The following MINPP1 variants were observed in gnomAD, a reference collection of about 807,000 sequenced individuals.
MINPP1 encodes multiple inositol-polyphosphate phosphatase 1, also known as multiple inositol polyphosphate phosphatase 1.
In MINPP1, 28 loss-of-function variants were observed where a neutral mutation model predicts 46.1. The ratio of observed to expected loss-of-function variants is 0.61; its 90% CI spans 0.45 to 0.83. The LOEUF is 0.83. MINPP1 is among the 40% of genes least tolerant of loss of function. MINPP1 has a pLI of 0.00. For missense variants in MINPP1, 603 were observed against 610.0 expected (o/e 0.99, Z 0.12); for synonymous variants, 268 against 249.1 (o/e 1.08, Z -0.72).
At chr10:87,543,003 C>T (rs11202442) in intron 4 of MINPP1, among the ~76,000 whole-genome samples, 24,863 of 152,134 alleles carry the variant, frequency 0.16, 2,086 homozygotes, top group Middle Eastern at 0.21. Context: ...GAACAAAATG[C>T]TGATAGCGAT....
intron 4 of MINPP1, among the ~76,000 whole-genome samples, chr10:87,548,325 C>T (rs1340184692): frequency 6.6e-6 from 1 of 152,092 alleles, no homozygotes; most frequent in Non-Finnish European, 1.5e-5. Flanking sequence ...ATTCTTCTCC[C>T]CTCCCCTCCC....
chr10:87,531,179 G>C (rs952665024), intron 4 of MINPP1, among the ~76,000 whole-genome samples: 1 of 152,180 alleles, frequency 6.6e-6, no homozygotes, highest in East Asian at 1.9e-4. Flanking sequence ...GTCCTGCTTT[G>C]TCTCATGCTC....
At chr10:87,542,263 A>G (rs1227017398) in intron 4 of MINPP1, among the ~76,000 whole-genome samples, 3 of 151,946 alleles carry the variant, frequency 2.0e-5, no homozygotes. Flanking sequence ...CAAATCTGAA[A>G]CCAGCAGGGC....
chr10:87,521,878 A>C (rs576749063), intron 4 of MINPP1, among the ~76,000 whole-genome samples: 1 of 152,190 alleles, frequency 6.6e-6, no homozygotes, highest in South Asian at 2.1e-4. Context: ...TGAACCTTTG[A>C]TAGAACCTCA....
chr10:87,540,989 G>A (rs1216731530), intron 4 of MINPP1, among the ~76,000 whole-genome samples: 1 of 152,132 alleles, frequency 6.6e-6, no homozygotes, highest in Non-Finnish European at 1.5e-5. Flanking sequence ...AAACCCTACT[G>A]TATGTGCACA....
chr10:87,518,778 G>T (rs74150483), intron 3 of MINPP1, among the ~76,000 whole-genome samples: 4,262 of 152,204 alleles, frequency 0.028, 192 homozygotes, highest in African/African-American at 0.092. Flanking sequence ...CACTTTTGCT[G>T]GTTTATTATA....
chr10:87,520,516 A>T (rs1851485198), intron 3 of MINPP1, among the ~76,000 whole-genome samples: 1 of 152,140 alleles, frequency 6.6e-6, no homozygotes, highest in Non-Finnish European at 1.5e-5. Flanking sequence ...CACCAAACAG[A>T]TACATGAACC....
chr10:87,526,294 G>T (rs939100088), intron 4 of MINPP1, among the ~76,000 whole-genome samples: 1 of 152,144 alleles, frequency 6.6e-6, no homozygotes, highest in Non-Finnish European at 1.5e-5. Flanking sequence ...TTCTCTGATG[G>T]CCAGTGATGA....
In MINPP1 at chr10:87,551,944, G is replaced by A. The variant is rs1461893136; in HGVS notation, c.1068-138G>A. 15 of 701,412 alleles carry A rather than the reference G, an allele frequency of 2.1e-5. No homozygotes were observed. In the South Asian group the frequency reaches 3.0e-4, roughly 14 times the overall value. The allele number at this position is 701,412 out of a possible 1,614,324, so 43.4% of individuals were successfully genotyped here. ...CACGGAATTTCAGCCGTATGCTTGT[G>A]TAATGTATATAAAGATTTAAAAAAA... On this transcript the variant is annotated intron_variant, in intron 4 of 4. Coordinates refer to ENST00000371996, the MANE Select transcript of MINPP1 (RefSeq NM_004897.5).
Position 87,516,630 on chromosome 10 carries a change from T to A in MINPP1, c.933+3409T>A, listed in dbSNP as rs1188153266. Among the ~76,000 whole-genome samples, 4 of 104,734 alleles carry A rather than the reference T, an allele frequency of 3.8e-5. 1 individual carries two copies. Among genetic ancestry groups the A allele is most frequent in the African/African-American group, 1.1e-4 (4 of 34,842 alleles). The allele number at this position is 104,734 out of a possible 152,430, so 68.7% of individuals were successfully genotyped here. A position where few individuals can be genotyped will look rare whatever the true frequency, so the allele number is the denominator to read the frequency against. ...CAAAGGAGAAAGTTAATTTGTAGGATAGCTTTTTTGCAATTTGTGTCTGCT... is the reference window on the plus strand; with the variant it reads ...CAAAGGAGAAAGTTAATTTGTAGGAAAGCTTTTTTGCAATTTGTGTCTGCT... On this transcript the variant is annotated intron_variant, in intron 3 of 4. Transcript: ENST00000371996.
intron 1 of MINPP1, among the ~76,000 whole-genome samples, chr10:87,506,658 C>T (rs1039780206): frequency 6.6e-6 from 1 of 152,082 alleles, no homozygotes; most frequent in East Asian, 1.9e-4. Context: ...AGAATAAAAA[C>T]ATGTAACATT....
chr10:87,505,410 C>A lies in MINPP1; in HGVS notation c.495C>A (p.Phe165Leu). Reference sequence around the variant, plus strand: ...TGGCGCTGCGTCTGGCCTCGCTCTTCCCGGCCCTTTTCAGCCGTGAGAACT... The same window carrying A: ...TGGCGCTGCGTCTGGCCTCGCTCTTACCGGCCCTTTTCAGCCGTGAGAACT... ...RQLALRLASL[F>L]PALFSRENYG... The change falls in exon 1 of 5, where the codon TTC (phenylalanine) becomes TTA (leucine). Residue 165 changes from phenylalanine to leucine, a missense_variant. Phe to Leu is a conservative substitution (Grantham distance 22). Transcript: ENST00000371996. The surrounding 1 kb of genome is among the most constrained non-coding windows in gnomAD (Gnocchi z 4.4). 1 of 1,613,928 alleles carries A rather than the reference C, an allele frequency of 6.2e-7. No individual in the cohort carries two copies. Among genetic ancestry groups the A allele is most frequent in the Admixed American group, 1.7e-5 (1 of 60,026 alleles).
Position 87,528,893 on chromosome 10 carries a change from G to A in MINPP1, c.1067+7724G>A, listed in dbSNP as rs1344181445. 3.3e-5 allele frequency among the ~76,000 whole-genome samples: 5 copies of A among 152,094 alleles called. No homozygotes were observed. In the East Asian group the frequency reaches 5.8e-4, roughly 18 times the overall value. On this transcript the variant is annotated intron_variant, in intron 4 of 4. Transcript: ENST00000371996. Reference sequence around the variant, plus strand: ...ACTTGCTTTATGAATCTGGGTGCTCGTGTATTGGGTGCATATATATTTGGG... The same window carrying A: ...ACTTGCTTTATGAATCTGGGTGCTCATGTATTGGGTGCATATATATTTGGG...
intron 3 of MINPP1, among the ~76,000 whole-genome samples, chr10:87,515,317 G>A (rs752318125): frequency 5.9e-5 from 9 of 151,908 alleles, no homozygotes; most frequent in Admixed American, 2.0e-4. Flanking sequence ...AACCCAGGAG[G>A]TGGAGGTTGC....
At chr10:87,525,634 T>C (rs1202851662) in intron 4 of MINPP1, among the ~76,000 whole-genome samples, 1 of 152,204 alleles carries the variant, frequency 6.6e-6, no homozygotes, top group Non-Finnish European at 1.5e-5. Context: ...GCCATGCTGG[T>C]GTGCTGCACC....
chr10:87,523,567 G>A (rs1236012376), intron 4 of MINPP1, among the ~76,000 whole-genome samples: 2 of 150,636 alleles, frequency 1.3e-5, no homozygotes, highest in East Asian at 3.9e-4. Flanking sequence ...CACCTTGTTA[G>A]CCAGGATGGT....
Position 87,507,899 on chromosome 10 carries a change from G to A in MINPP1, c.638-437G>A, listed in dbSNP as rs149305487. 2.4e-4 allele frequency: 282 copies of A among 1,167,116 alleles called. 2 individuals are homozygous for A. The East Asian group carries it at 0.012, about 48-fold the overall frequency. The allele number at this position is 1,167,116 out of a possible 1,614,324, so 72.3% of individuals were successfully genotyped here. ...TCTTTGTAAAGTAATACAGAGTTGG[G>A]AAGGTTAATTGAGAAAATAAAATAC... On this transcript the variant is annotated intron_variant, in intron 1 of 4. Coordinates refer to ENST00000371996, the MANE Select transcript of MINPP1 (RefSeq NM_004897.5).
chr10:87,519,172 CG>C (rs1851457925), intron 3 of MINPP1, among the ~76,000 whole-genome samples: 1 of 152,094 alleles, frequency 6.6e-6, no homozygotes. Context: ...GAAGTGTGGA[CG>C]AAAGCCAATA....
chr10:87,520,934 G>A lies in MINPP1; in HGVS notation c.934-102G>A, dbSNP rs1032754552. 4.8e-6 allele frequency: 3 copies of A among 627,750 alleles called. No individual in the cohort carries two copies. In the African/African-American group the frequency reaches 5.5e-5, roughly 12 times the overall value. 38.9% of individuals were successfully genotyped at this position (627,750 alleles called of 1,614,324 possible). On this transcript the variant is annotated intron_variant, in intron 3 of 4. Coordinates refer to ENST00000371996, the MANE Select transcript of MINPP1 (RefSeq NM_004897.5). ...CAAATACTATATTTTGTGCAGAATG[G>A]TAATTAAACATTGTAACCATTTCTT...
Sources: allele counts gnomAD v4.1 joint callset (sites outside exome capture counted in the v4.1 genomes callset), GRCh38; gene constraint gnomAD v4.1.1; non-coding constraint Gnocchi (gnomAD v3.1); transcripts MANE v1.5; gene names NCBI Gene and HGNC (gene_info 2026-07-23, HGNC 2026-07-21).